The following TRIT1 variants were observed in gnomAD, a reference collection of about 807,000 sequenced individuals.
The protein encoded by TRIT1 is tRNA isopentenyltransferase 1.
Under a neutral mutation model 51.2 loss-of-function variants are expected in TRIT1, and 43 were observed. The ratio of observed to expected loss-of-function variants is 0.84; its 90% CI spans 0.66 to 1.08. The LOEUF (loss-of-function observed/expected upper bound fraction) is 1.08. Ranked by LOEUF, TRIT1 falls within the 50% of genes least tolerant of loss-of-function variation. The pLI is 0.00. For synonymous variants in TRIT1, 184 were observed against 203.9 expected (o/e 0.90, Z 0.83); for missense variants, 528 against 578.4 (o/e 0.91, Z 0.89).
chr1:39,879,500 A>G (rs1329711867), intron 1 of TRIT1, among the ~76,000 whole-genome samples: 3 of 151,742 alleles, frequency 2.0e-5, no homozygotes, highest in African/African-American at 7.3e-5. Flanking sequence ...ATATATATAT[A>G]TATTTATCAC....
chr1:39,847,447 A>G (rs1034358878), intron 7 of TRIT1, 101 bp downstream of exon 7: 3 of 1,452,732 alleles, frequency 2.1e-6, no homozygotes, highest in Admixed American at 1.7e-5. Flanking sequence ...GCTGAAGGCT[A>G]TTTGGGACGC....
At chr1:39,849,715 T>C (rs1642449142) in intron 5 of TRIT1, among the ~76,000 whole-genome samples, 1 of 152,258 alleles carries the variant, frequency 6.6e-6, no homozygotes, top group Non-Finnish European at 1.5e-5. Context: ...GACATAATTA[T>C]ACTTTAGCAA....
rs1375194690 is a variant in TRIT1, at chr1:39,838,165, G to T, written c.*3579C>A. 6.6e-6 allele frequency among the ~76,000 whole-genome samples: 1 copy of T among 152,222 alleles called. No homozygotes were observed. Among genetic ancestry groups the T allele is most frequent in the Admixed American group, 6.5e-5 (1 of 15,284 alleles). On this transcript the variant is annotated 3_prime_UTR_variant, in exon 11 of 11. Transcript: ENST00000316891. The stretch of plus-strand genomic sequence containing the variant: ...TACAAACATGCAGCTTCCTTTGTAA[G>T]CATTCAGAGTAGCTTTACAAATAAC...
At chr1:39,874,998 A>G (rs1302891261) in intron 1 of TRIT1, among the ~76,000 whole-genome samples, 1 of 152,096 alleles carries the variant, frequency 6.6e-6, no homozygotes, top group Non-Finnish European at 1.5e-5. Context: ...GAACACAAAA[A>G]TGCTTTGTTC....
At chr1:39,862,460 A>C (rs1309252713) in intron 1 of TRIT1, among the ~76,000 whole-genome samples, 1 of 152,238 alleles carries the variant, frequency 6.6e-6, no homozygotes, top group Non-Finnish European at 1.5e-5. Flanking sequence ...ATTGAAATTC[A>C]GTTGAGTTGT....
chr1:39,877,894 C>A (rs376926205), intron 1 of TRIT1, among the ~76,000 whole-genome samples: 6 of 152,220 alleles, frequency 3.9e-5, no homozygotes, highest in African/African-American at 1.2e-4. Flanking sequence ...ATTACCTGTC[C>A]CTCCTTGAAT....
chr1:39,880,268 TAAAAAAAA>T (rs1553148795), intron 1 of TRIT1, among the ~76,000 whole-genome samples: 5 of 94,892 alleles, frequency 5.3e-5, no homozygotes, highest in South Asian at 7.2e-4. Flanking sequence ...AGACCTCAAA[TAAAAAAAA>T]AAAAAAAAAA....
chr1:39,847,429 A>G, intron 7 of TRIT1, 119 bp downstream of exon 7: 1 of 1,429,980 alleles, frequency 7.0e-7, no homozygotes. Context: ...CAAAAATCTC[A>G]GTTCTGAGCT....
At chr1:39,882,036 T>A (rs577321288) in intron 1 of TRIT1, among the ~76,000 whole-genome samples, 1 of 152,228 alleles carries the variant, frequency 6.6e-6, no homozygotes, top group Non-Finnish European at 1.5e-5. Flanking sequence ...TTGTATTAAG[T>A]ACTGCACATA....
chr1:39,847,198 T>C, intron 8 of TRIT1, 22 bp downstream of exon 8: 1 of 1,607,934 alleles, frequency 6.2e-7, no homozygotes, highest in East Asian at 2.2e-5. Flanking sequence ...ACCCATAGGA[T>C]AAAGAAAAAC....
In TRIT1 at chr1:39,840,606, T is replaced by C. The variant is rs1046888262; in HGVS notation, c.*1138A>G. On this transcript the variant is annotated 3_prime_UTR_variant, in exon 11 of 11. Transcript: ENST00000316891. ...CTTTAGCCTAATTCAGGGCCTCTCATAGAGTAGATTCTGCACAAACAAAAT... is the reference window on the plus strand; with the variant it reads ...CTTTAGCCTAATTCAGGGCCTCTCACAGAGTAGATTCTGCACAAACAAAAT... 2.0e-5 allele frequency among the ~76,000 whole-genome samples: 3 copies of C among 152,140 alleles called. No individual in the cohort carries two copies. The highest frequency in any genetic ancestry group is 4.4e-5 in the Non-Finnish European group (3 of 68,028).
At chr1:39,847,374 G>T in intron 7 of TRIT1, 77 bp from the exon 8 acceptor site, 1 of 1,511,534 alleles carries the variant, frequency 6.6e-7, no homozygotes, top group Non-Finnish European at 9.2e-7. Flanking sequence ...TCCCAGCCCA[G>T]CAGGAAAAAG....
rs1641904335 is a variant in TRIT1 at position 39,841,578 on chromosome 1, T to C, written c.*166A>G. The C allele has an allele frequency of 3.2e-6, 2 of 619,706 alleles. No homozygotes were observed. The highest frequency in any genetic ancestry group is 2.8e-5 in the East Asian group (1 of 35,108). 38.4% of individuals were successfully genotyped at this position (619,706 alleles called of 1,614,324 possible). A position where few individuals can be genotyped will look rare whatever the true frequency, so the allele number is the denominator to read the frequency against. On this transcript the variant is annotated 3_prime_UTR_variant, in exon 11 of 11. Transcript: ENST00000316891. ...CTGACAAGACCTGCTGTTTCTATTA[T>C]AGAGAACGTGAGACTTTAAAACCAC...
At chr1:39,862,585 GC>G (rs1391040737) in intron 1 of TRIT1, among the ~76,000 whole-genome samples, 5 of 152,114 alleles carry the variant, frequency 3.3e-5, no homozygotes, top group Non-Finnish European at 5.9e-5. Context: ...CAGTTAAGAA[GC>G]AAAAACACAA....
At chr1:39,842,352 T>C (rs373288570) in intron 10 of TRIT1, among the ~76,000 whole-genome samples, 1 of 152,262 alleles carries the variant, frequency 6.6e-6, no homozygotes, top group Non-Finnish European at 1.5e-5. Context: ...CTGTTATAGA[T>C]GCATTTTTAA....
chr1:39,842,548 C>T (rs1446809973), intron 10 of TRIT1, among the ~76,000 whole-genome samples: 4 of 152,152 alleles, frequency 2.6e-5, no homozygotes, highest in Admixed American at 2.0e-4. Flanking sequence ...TTATCACCGA[C>T]GATCTCTTCT....
At chr1:39,853,055 A>G (rs1366406113) in intron 3 of TRIT1, among the ~76,000 whole-genome samples, 179 bp from the exon 4 acceptor site, 1 of 152,172 alleles carries the variant, frequency 6.6e-6, no homozygotes, top group Non-Finnish European at 1.5e-5. Flanking sequence ...CACAGCAAAC[A>G]AAAAAGACAG....
In TRIT1 at chr1:39,844,588, C is replaced by G. The variant is rs200850534; in HGVS notation, c.1059G>C (p.Ser353=). ...GTTCAAGAACAGACTCTTCCCACTT[C>G]GAGACATCAGATACCTCTAAGCCAT... ...PVYGLEVSDV[S]KWEESVLEPA... The change falls in exon 9 of 11, where the codon TCG becomes TCC. Residue 353 remains serine, a synonymous_variant. Coordinates refer to ENST00000316891, the MANE Select transcript of TRIT1 (RefSeq NM_017646.6). 2.6e-5 allele frequency: 42 copies of G among 1,614,056 alleles called. No homozygotes were observed. In the East Asian group the frequency reaches 8.7e-4, roughly 33 times the overall value.
In TRIT1 at chr1:39,838,191, C is replaced by A. The variant is rs980811876; in HGVS notation, c.*3553G>T. Among the ~76,000 whole-genome samples, 4 of 152,302 alleles carry A rather than the reference C, an allele frequency of 2.6e-5. No individual in the cohort carries two copies. The East Asian group carries it at 7.7e-4, about 29-fold the overall frequency. On this transcript the variant is annotated 3_prime_UTR_variant, in exon 11 of 11. Transcript: ENST00000316891. ...CATTCAGAGTAGCTTTACAAATAAC[C>A]AGTTAGCCATCATTTTAGAAAACAG... is the stretch of plus-strand genomic sequence containing the variant.
Sources: allele counts gnomAD v4.1 joint callset (sites outside exome capture counted in the v4.1 genomes callset), GRCh38; gene constraint gnomAD v4.1.1; transcripts MANE v1.5; gene names NCBI Gene and HGNC (gene_info 2026-07-23, HGNC 2026-07-21).